The following PDE1A variants were observed in gnomAD, a reference collection of about 807,000 sequenced individuals.
The protein encoded by PDE1A is phosphodiesterase 1A, also known as dual specificity calcium/calmodulin-dependent 3',5'-cyclic nucleotide phosphodiesterase 1A.
Under a neutral mutation model 61.7 loss-of-function variants are expected in PDE1A, and 35 were observed. The observed-to-expected ratio is 0.57, with a 90% CI of 0.43 to 0.75. The LOEUF (loss-of-function observed/expected upper bound fraction) is 0.75. PDE1A is among the 30% of genes least tolerant of loss of function. The pLI is 0.00. For synonymous variants in PDE1A, 232 were observed against 213.2 expected (o/e 1.09, Z -0.77); for missense variants, 597 against 630.6 (o/e 0.95, Z 0.57).
chr2:182,539,768 T>G, the PDE1A span, among the ~76,000 whole-genome samples: 8 of 152,214 alleles, frequency 5.3e-5, no homozygotes, highest in African/African-American at 1.9e-4. Context: ...GGGCATTGAA[T>G]GACAATGAAA....
At chr2:182,384,353 A>C (rs368318740) in intron 1 of PDE1A, among the ~76,000 whole-genome samples, 1 of 152,124 alleles carries the variant, frequency 6.6e-6, no homozygotes, top group East Asian at 1.9e-4. Context: ...AAAAAATTCA[A>C]AATAACCATT....
chr2:182,157,473 T>C (rs902432657), intron 13 of PDE1A, among the ~76,000 whole-genome samples: 1 of 152,208 alleles, frequency 6.6e-6, no homozygotes, highest in Admixed American at 6.5e-5. Context: ...CAAGTTTCTA[T>C]AGACTCTAAG....
At chr2:182,434,569 C>T (rs1704116303) in intron 2 of PDE1A, among the ~76,000 whole-genome samples, 1 of 151,930 alleles carries the variant, frequency 6.6e-6, no homozygotes, top group African/African-American at 2.4e-5. Context: ...GGGCCTTAAT[C>T]CCCTTAAGAG....
the PDE1A span, among the ~76,000 whole-genome samples, chr2:182,540,999 TA>T: frequency 6.6e-6 from 1 of 152,042 alleles, no homozygotes; most frequent in Non-Finnish European, 1.5e-5. Context: ...ACCCCCAATA[TA>T]ATTGCAGCAA....
rs148764649 is a variant in PDE1A at position 182,267,857 on chromosome 2, C to A, written c.54-3443G>T. Among the ~76,000 whole-genome samples the A allele has an allele frequency of 1.8e-3, 273 of 152,026 alleles. 2 individuals are homozygous for A. The highest frequency in any genetic ancestry group is 6.2e-3 in the African/African-American group (259 of 41,480). ...ATTGTATGTTCTGTACTGGTGGGTTCCAAAGTGTTAAGGCTTTATTGTATA... is the reference window on the plus strand; with the variant it reads ...ATTGTATGTTCTGTACTGGTGGGTTACAAAGTGTTAAGGCTTTATTGTATA... On this transcript the variant is annotated intron_variant, in intron 1 of 13. Coordinates refer to ENST00000351439, the Ensembl canonical transcript of PDE1A.
chr2:182,379,389 A>C (rs1700596806), intron 1 of PDE1A, among the ~76,000 whole-genome samples: 1 of 152,224 alleles, frequency 6.6e-6, no homozygotes, highest in South Asian at 2.1e-4. Context: ...GTGAATATCA[A>C]GCCTCTAGGA....
the PDE1A span, among the ~76,000 whole-genome samples, chr2:182,706,756 G>A: frequency 3.9e-5 from 6 of 152,308 alleles, no homozygotes; most frequent in African/African-American, 9.6e-5. Flanking sequence ...AGAAATGTGC[G>A]AAAGCCTGGG....
At chr2:182,710,429 C>T in the PDE1A span, among the ~76,000 whole-genome samples, 3 of 152,182 alleles carry the variant, frequency 2.0e-5, no homozygotes, top group Non-Finnish European at 4.4e-5. Flanking sequence ...TAACTATAGT[C>T]ACTAGGCTGT....
exon 3 of PDE1A, chr2:182,240,174 G>T: frequency 6.2e-7 from 1 of 1,613,846 alleles, no homozygotes; most frequent in Non-Finnish European, 8.5e-7. Flanking sequence ...TTTTCCTCAG[G>T]TTTCTTTTTT....
the PDE1A span, among the ~76,000 whole-genome samples, chr2:182,660,522 C>T: frequency 6.6e-6 from 1 of 152,190 alleles, no homozygotes; most frequent in East Asian, 1.9e-4. Context: ...GGTCCCAAAT[C>T]TGTTAACTGA....
chr2:182,255,935 G>A (rs981329353), intron 2 of PDE1A, among the ~76,000 whole-genome samples: 1 of 151,038 alleles, frequency 6.6e-6, no homozygotes, highest in African/African-American at 2.4e-5. Context: ...GCCTCCCAAA[G>A]TGCTGGGATT....
chr2:182,213,769 G>A (rs1687889699), intron 7 of PDE1A, among the ~76,000 whole-genome samples: 1 of 67,960 alleles, frequency 1.5e-5, no homozygotes, highest in Non-Finnish European at 3.1e-5. Flanking sequence ...GGGACTATGT[G>A]AAAAGACCAA....
At chr2:182,478,879 C>G (rs1687533879) in intron 2 of PDE1A, among the ~76,000 whole-genome samples, 1 of 151,870 alleles carries the variant, frequency 6.6e-6, no homozygotes, top group Non-Finnish European at 1.5e-5. Context: ...AAAAAGGTTA[C>G]TAGACCCCTT....
At chr2:182,169,987 CT>C (rs1645666668) in intron 13 of PDE1A, among the ~76,000 whole-genome samples, 1 of 149,804 alleles carries the variant, frequency 6.7e-6, no homozygotes, top group South Asian at 2.1e-4. Context: ...CACACACACA[CT>C]CACACACACA....
intron 2 of PDE1A, among the ~76,000 whole-genome samples, chr2:182,258,312 C>A (rs1160229806): frequency 9.2e-5 from 14 of 152,118 alleles, no homozygotes; most frequent in Non-Finnish European, 2.9e-5. Context: ...TGGCTATACA[C>A]AGCTGGACTT....
chr2:182,408,425 T>C (rs1401873051), intron 1 of PDE1A, among the ~76,000 whole-genome samples: 1 of 152,194 alleles, frequency 6.6e-6, no homozygotes, highest in African/African-American at 2.4e-5. Flanking sequence ...TAGAATGACA[T>C]ACATTTCATA....
chr2:182,525,948 T>C (rs182502695), upstream of PDE1A, among the ~76,000 whole-genome samples: 506 of 151,702 alleles, frequency 3.3e-3, 4 homozygotes, highest in Non-Finnish European at 5.8e-3. Flanking sequence ...ATGAGAAAAA[T>C]CAGAAACATA....
chr2:182,486,576 G>A (rs1005103106), intron 2 of PDE1A, among the ~76,000 whole-genome samples: 1 of 151,984 alleles, frequency 6.6e-6, no homozygotes, highest in Non-Finnish European at 1.5e-5. Flanking sequence ...AAGACAGTTG[G>A]TACTAGCATA....
chr2:182,259,356 G>A (rs1162870681), intron 2 of PDE1A, among the ~76,000 whole-genome samples: 1 of 151,946 alleles, frequency 6.6e-6, no homozygotes, highest in Non-Finnish European at 1.5e-5. Flanking sequence ...CTGCTCTCAG[G>A]GAAGCATTTG....
Sources: gnomAD v4.1 joint callset for allele counts (sites outside exome capture counted in the v4.1 genomes callset) on GRCh38, gnomAD v4.1.1 for gene constraint, MANE v1.5 for transcripts, NCBI Gene and HGNC (gene_info 2026-07-23, HGNC 2026-07-21) for gene names.